The following TNFSF15 variants were observed in gnomAD, a reference collection of about 807,000 sequenced individuals.
The protein encoded by TNFSF15 is TNF superfamily member 15.
TNFSF15 carries 15 observed loss-of-function variants against 26.4 expected under a neutral mutation model. The observed-to-expected ratio is 0.57, with a 90% CI of 0.38 to 0.87. The LOEUF (loss-of-function observed/expected upper bound fraction) is 0.87, where lower values mean the gene tolerates loss of function less well. Ranked by LOEUF, TNFSF15 falls within the 40% of genes least tolerant of loss-of-function variation. The pLI is 0.00. For synonymous variants in TNFSF15, 116 were observed against 115.0 expected, an observed-to-expected ratio of 1.01 and a Z score of -0.06; for missense variants, 290 against 306.1, an observed-to-expected ratio of 0.95 and a Z score of 0.39.
At chr9:114,797,758 A>C (rs1022058292) in intron 1 of TNFSF15, among the ~76,000 whole-genome samples, 1 of 152,206 alleles carries the variant, frequency 6.6e-6, no homozygotes, top group Non-Finnish European at 1.5e-5. Flanking sequence ...TTGAATAGAC[A>C]TGGTGTCTGA....
chr9:114,800,194 C>A (rs1027853196), intron 1 of TNFSF15, among the ~76,000 whole-genome samples: 8 of 152,244 alleles, frequency 5.3e-5, no homozygotes, highest in Admixed American at 3.9e-4. Flanking sequence ...GCTTTCTGGA[C>A]ATTTTGCAGA....
intron 1 of TNFSF15, among the ~76,000 whole-genome samples, chr9:114,796,413 A>C (rs1433246540): frequency 6.6e-6 from 1 of 152,248 alleles, no homozygotes; most frequent in Non-Finnish European, 1.5e-5. Context: ...GTCCTAACTT[A>C]TCCCAGTCTC....
At chr9:114,792,224 TACACACACACACACACACACACACAC>T in intron 3 of TNFSF15, 157 bp downstream of exon 3, 3 of 558,524 alleles carry the variant, frequency 5.4e-6, no homozygotes, top group South Asian at 4.8e-5. Context: ...CATATGTGTG[TACACACACACACACACACACACACAC>T]ACACACACAC....
intron 1 of TNFSF15, among the ~76,000 whole-genome samples, chr9:114,800,996 G>T (rs539536136): frequency 6.6e-6 from 1 of 152,206 alleles, no homozygotes; most frequent in Non-Finnish European, 1.5e-5. Context: ...GAGGCATGAA[G>T]TGAGGTTGGA....
chr9:114,802,657 C>A (rs1829764435), intron 1 of TNFSF15, among the ~76,000 whole-genome samples: 1 of 152,134 alleles, frequency 6.6e-6, no homozygotes, highest in African/African-American at 2.4e-5. Context: ...CTCTGCTGGG[C>A]CAGTAGTTCT....
At chr9:114,792,494 G>A (rs1307311455) in intron 2 of TNFSF15, 40 bp from the exon 3 acceptor site, 2 of 1,613,684 alleles carry the variant, frequency 1.2e-6, no homozygotes, top group East Asian at 2.2e-5. Flanking sequence ...TGAGACAAAG[G>A]GTGACTGAAA....
At chr9:114,801,557 C>T (rs1265052237) in intron 1 of TNFSF15, among the ~76,000 whole-genome samples, 1 of 152,094 alleles carries the variant, frequency 6.6e-6, no homozygotes, top group African/African-American at 2.4e-5. Context: ...GGGGAAATTC[C>T]CTGGTCATAA....
At chr9:114,803,711 T>A (rs1829778094) in intron 1 of TNFSF15, among the ~76,000 whole-genome samples, 2 of 152,214 alleles carry the variant, frequency 1.3e-5, no homozygotes, top group African/African-American at 4.8e-5. Context: ...CAGCATTCCC[T>A]CCTTCCTTCT....
rs192783899 is a variant in TNFSF15, at chr9:114,790,809, G to A, written c.399C>T (p.Asn133=). Residue 133 remains asparagine (N), a synonymous_variant, in exon 4 of 4, where the codon AAC becomes AAT. Coordinates refer to ENST00000374045, the MANE Select transcript of TNFSF15 (RefSeq NM_005118.4). ...GGATCAGCAGGAATTTGTTGGTATA[G>A]TTCATTCGGTTCTTGGTGAAGGCCA... ...LGLAFTKNRM[N]YTNKFLLIPE... 9 of 1,614,106 alleles carry A rather than the reference G, an allele frequency of 5.6e-6. No homozygotes were observed. In the East Asian group the frequency reaches 8.9e-5, roughly 16 times the overall value.
rs1484730302 is a variant in TNFSF15, at chr9:114,789,576, A to G, written c.*876T>C. The G allele has an allele frequency of 6.6e-6, 1 of 152,288 alleles. No individual in the cohort carries two copies. The highest frequency in any genetic ancestry group is 1.5e-5 in the Non-Finnish European group (1 of 68,138). 9.4% of individuals were successfully genotyped at this position (152,288 alleles called of 1,614,324 possible). A position where few individuals can be genotyped will look rare whatever the true frequency, so the allele number is the denominator to read the frequency against. On this transcript the variant is annotated 3_prime_UTR_variant, in exon 4 of 4. Coordinates refer to ENST00000374045, the MANE Select transcript of TNFSF15 (RefSeq NM_005118.4). ...TGATCCACCCACCTTGGCCTCCCAA[A>G]GTGTTGGGATTACAGGTGTGAGCCA...
rs115917343 is a variant in TNFSF15 at position 114,792,007 on chromosome 9, G to C, written c.301+400C>G. 3.5e-3 allele frequency: 644 copies of C among 184,266 alleles called. 6 individuals carry two copies. Among genetic ancestry groups the C allele is most frequent in the African/African-American group, 0.015 (616 of 42,146 alleles). The allele number at this position is 184,266 out of a possible 1,614,324, so 11.4% of individuals were successfully genotyped here. On this transcript the variant is annotated intron_variant, in intron 3 of 3. Coordinates refer to ENST00000374045, the MANE Select transcript of TNFSF15 (RefSeq NM_005118.4). The stretch of plus-strand genomic sequence containing the variant: ...AGAGAGACAGGAGAGAAAGAGAGAG[G>C]GCTGATAGAATCTGAAAGAAAATGC...
Position 114,790,654 on chromosome 9 carries a change from G to C in TNFSF15, c.554C>G (p.Thr185Arg), listed in dbSNP as rs1468135390. Reference sequence around the variant, plus strand: ...CTGGGTTGGCTCAGGGTAGCTGTCTGTTACCTTGGTGATGACCACAGTGAT... The same window carrying C: ...CTGGGTTGGCTCAGGGTAGCTGTCTCTTACCTTGGTGATGACCACAGTGAT... The part of the protein sequence containing the change: ...DSITVVITKV[T>R]DSYPEPTQLL... The change falls in exon 4 of 4, where the codon ACA becomes AGA. Residue 185 changes from threonine to arginine, a missense_variant. Thr to Arg is a moderately conservative substitution (Grantham distance 71). This residue lies in a region of TNFSF15 where 102 missense variants were observed against 114.7 expected (regional missense o/e 0.89). Transcript: ENST00000374045. The C allele has an allele frequency of 1.2e-6, 2 of 1,614,078 alleles. No homozygotes were observed. The highest frequency in any genetic ancestry group is 2.2e-5 in the South Asian group (2 of 91,080).
rs1461120016 is a variant in TNFSF15 at position 114,792,453 on chromosome 9, A to G, written c.255T>C (p.Tyr85=). 6.2e-7 allele frequency: 1 copy of G among 1,614,152 alleles called. No individual in the cohort carries two copies. Among genetic ancestry groups the G allele is most frequent in the Non-Finnish European group, 8.5e-7 (1 of 1,179,988 alleles). Residue 85 remains tyrosine, a splice_region_variant and synonymous_variant, in exon 3 of 4, where the codon TAT becomes TAC. Transcript: ENST00000374045. The part of the protein sequence containing the change: ...QEFAPSHQQV[Y]APLRADGDKP... ...TATCTCCGTCTGCTCTAAGAGGTGC[A>G]TCTGTAACAAAAGGAGAAATGTGCT... is the stretch of plus-strand genomic sequence containing the variant.
intron 3 of TNFSF15, 157 bp from the exon 4 acceptor site, chr9:114,791,063 G>A (rs1044895190): frequency 1.5e-6 from 1 of 680,870 alleles, no homozygotes; most frequent in Non-Finnish European, 2.5e-6. Flanking sequence ...ATATGTGACT[G>A]GACATACACA....
rs901078561 is a variant in TNFSF15 at position 114,790,206 on chromosome 9, G to A, written c.*246C>T. On this transcript the variant is annotated 3_prime_UTR_variant, in exon 4 of 4. Transcript: ENST00000374045. ...TCAGTGTCTTAATATTTAGAAACTC[G>A]CCAATCCTCCAACCCATCTTAATAA... 15 of 377,112 alleles carry A rather than the reference G, an allele frequency of 4.0e-5. No individual in the cohort carries two copies. The highest frequency in any genetic ancestry group is 2.4e-4 in the African/African-American group (12 of 49,182). 23.4% of individuals were successfully genotyped at this position (377,112 alleles called of 1,614,324 possible). A position where few individuals can be genotyped will look rare whatever the true frequency, so the allele number is the denominator to read the frequency against.
chr9:114,789,944 A>T lies in TNFSF15; in HGVS notation c.*508T>A, dbSNP rs1490677958. ...CATGAGACATACCAACTCTCTTTTCATTTTTTTTAGGCAAGGCATGAAAGT... is the reference window on the plus strand; with the variant it reads ...CATGAGACATACCAACTCTCTTTTCTTTTTTTTTAGGCAAGGCATGAAAGT... On this transcript the variant is annotated 3_prime_UTR_variant, in exon 4 of 4. Coordinates refer to ENST00000374045, the MANE Select transcript of TNFSF15 (RefSeq NM_005118.4). The T allele has an allele frequency of 1.3e-5, 2 of 153,206 alleles. No homozygotes were observed. Among genetic ancestry groups the T allele is most frequent in the African/African-American group, 4.8e-5 (2 of 41,348 alleles). 9.5% of individuals were successfully genotyped at this position (153,206 alleles called of 1,614,324 possible). A position where few individuals can be genotyped will look rare whatever the true frequency, so the allele number is the denominator to read the frequency against.
At chr9:114,802,412 C>T (rs1012804897) in intron 1 of TNFSF15, among the ~76,000 whole-genome samples, 1 of 152,066 alleles carries the variant, frequency 6.6e-6, no homozygotes. Context: ...GCCACCACGC[C>T]CAGCTGATTT....
chr9:114,795,661 G>T (rs1829664307), intron 1 of TNFSF15, among the ~76,000 whole-genome samples: 1 of 152,158 alleles, frequency 6.6e-6, no homozygotes, highest in African/African-American at 2.4e-5. Context: ...GTCCATGGGG[G>T]TCTTGAAATC....
chr9:114,802,006 AGGAAT>A (rs1468511604), intron 1 of TNFSF15, among the ~76,000 whole-genome samples: 2 of 152,196 alleles, frequency 1.3e-5, no homozygotes, highest in Non-Finnish European at 2.9e-5. Context: ...TTTTCATAAA[AGGAAT>A]GTACCACATT....
Sources: allele counts gnomAD v4.1 joint callset (sites outside exome capture counted in the v4.1 genomes callset), GRCh38; gene constraint gnomAD v4.1.1; regional missense constraint gnomAD v4.1.1; transcripts MANE v1.5; gene names NCBI Gene and HGNC (gene_info 2026-07-23, HGNC 2026-07-21).